Variants in PRKCQ observed in about 807,000 individuals in gnomAD.
PRKCQ encodes the protein protein kinase C theta type.
In PRKCQ, 41 loss-of-function variants were observed where a neutral mutation model predicts 91.2. The observed-to-expected ratio is 0.45, with a 90% CI of 0.35 to 0.58. PRKCQ has a LOEUF of 0.58. Among genes scored for constraint, PRKCQ ranks in the 20% least tolerant of loss-of-function variants. The pLI is 0.00. For missense variants in PRKCQ, 673 were observed against 896.5 expected, an observed-to-expected ratio of 0.75 and a Z score of 3.18; for synonymous variants, 307 against 316.9, an observed-to-expected ratio of 0.97 and a Z score of 0.33.
At chr10:6,577,761 CATCA>C (rs148324046) in intron 1 of PRKCQ, among the ~76,000 whole-genome samples, 3,910 of 152,250 alleles carry the variant, frequency 0.026, 154 homozygotes, top group African/African-American at 0.08. Flanking sequence ...AACTCTAAGA[CATCA>C]ATCAAATGCA....
At chr10:6,522,075 G>C (rs756666758) in intron 1 of PRKCQ, among the ~76,000 whole-genome samples, 7 of 152,002 alleles carry the variant, frequency 4.6e-5, no homozygotes, top group Non-Finnish European at 7.4e-5. Context: ...CCCGAGTAGC[G>C]GGATTACAGG....
intron 15 of PRKCQ, among the ~76,000 whole-genome samples, chr10:6,455,594 T>C (rs1288730673): frequency 3.3e-5 from 5 of 152,232 alleles, no homozygotes; most frequent in Admixed American, 2.6e-4. Context: ...AGTTAGTTCA[T>C]CCATTTACTC....
chr10:6,420,093 A>G, the PRKCQ span, among the ~76,000 whole-genome samples: 1 of 151,974 alleles, frequency 6.6e-6, no homozygotes, highest in African/African-American at 2.4e-5. Flanking sequence ...GGTTCAAGTG[A>G]TTCTCCTGCC....
chr10:6,459,487 G>A (rs1835204076), intron 14 of PRKCQ, among the ~76,000 whole-genome samples: 1 of 152,194 alleles, frequency 6.6e-6, no homozygotes, highest in African/African-American at 2.4e-5. Context: ...CAGAAGATAT[G>A]TCCAGGTATG....
At chr10:6,460,100 C>T (rs1835239570) in intron 14 of PRKCQ, among the ~76,000 whole-genome samples, 1 of 152,200 alleles carries the variant, frequency 6.6e-6, no homozygotes, top group Non-Finnish European at 1.5e-5. Flanking sequence ...GTCTGGTGAC[C>T]TATCCTCAGT....
intron 1 of PRKCQ, among the ~76,000 whole-genome samples, chr10:6,570,136 C>T (rs996397495): frequency 6.6e-6 from 1 of 152,134 alleles, no homozygotes; most frequent in Non-Finnish European, 1.5e-5. Context: ...CACGGCACAT[C>T]TGGTTGCAGG....
At chr10:6,404,302 G>T in the PRKCQ span, among the ~76,000 whole-genome samples, 1 of 144,558 alleles carries the variant, frequency 6.9e-6, no homozygotes, top group African/African-American at 2.6e-5. Context: ...ATGGCCAGAG[G>T]TCTAACTCAA....
chr10:6,523,841 C>T, intron 1 of PRKCQ, among the ~76,000 whole-genome samples: 1 of 152,158 alleles, frequency 6.6e-6, no homozygotes, highest in Non-Finnish European at 1.5e-5. Flanking sequence ...AATTCTTAAC[C>T]TGTTATTTAA....
chr10:6,515,332 C>T (rs1053180798), intron 1 of PRKCQ, 188 bp from the exon 2 acceptor site: 30 of 1,489,336 alleles, frequency 2.0e-5, no homozygotes, highest in South Asian at 1.7e-4. Context: ...CAAAACCACA[C>T]ACTGACTTGC....
chr10:6,577,031 T>A (rs1403951442), intron 1 of PRKCQ, among the ~76,000 whole-genome samples: 1 of 151,956 alleles, frequency 6.6e-6, no homozygotes, highest in African/African-American at 2.4e-5. Flanking sequence ...CCATATTTCA[T>A]TGGTTTTGTT....
At chr10:6,405,706 T>A in the PRKCQ span, among the ~76,000 whole-genome samples, 6 of 152,198 alleles carry the variant, frequency 3.9e-5, no homozygotes, top group Admixed American at 2.6e-4. Flanking sequence ...TTTATCCTGC[T>A]CTTTGCAAAT....
At chr10:6,448,867 A>C (rs570186721) in intron 15 of PRKCQ, among the ~76,000 whole-genome samples, 4 of 152,260 alleles carry the variant, frequency 2.6e-5, no homozygotes, top group African/African-American at 9.6e-5. Flanking sequence ...CCTGCAGCTG[A>C]GGGTCCTGTT....
intron 4 of PRKCQ, among the ~76,000 whole-genome samples, chr10:6,503,017 C>T (rs1482341073): frequency 1.3e-5 from 2 of 152,132 alleles, no homozygotes; most frequent in African/African-American, 4.8e-5. Flanking sequence ...ACACACTTAG[C>T]TGTATGACTT....
At chr10:6,532,569 C>T (rs1484225513) in intron 1 of PRKCQ, among the ~76,000 whole-genome samples, 1 of 152,138 alleles carries the variant, frequency 6.6e-6, no homozygotes, top group East Asian at 1.9e-4. Context: ...CATCCCACCC[C>T]GACTGCACCC....
chr10:6,426,951 G>C (rs1177059606), downstream of PRKCQ, among the ~76,000 whole-genome samples: 1 of 152,150 alleles, frequency 6.6e-6, no homozygotes, highest in African/African-American at 2.4e-5. Flanking sequence ...GGCCAGGCTG[G>C]TCTCGAACTC....
intron 15 of PRKCQ, among the ~76,000 whole-genome samples, chr10:6,447,351 G>A (rs931532391): frequency 4.0e-5 from 6 of 149,300 alleles, no homozygotes; most frequent in East Asian, 2.0e-4. Flanking sequence ...AGGTTGCAGC[G>A]AGCCATGATT....
chr10:6,454,552 A>G (rs1380048165), intron 15 of PRKCQ, among the ~76,000 whole-genome samples: 2 of 152,022 alleles, frequency 1.3e-5, no homozygotes, highest in East Asian at 1.9e-4. Context: ...AAGAAAGGGG[A>G]AATTTGTATA....
intron 2 of PRKCQ, among the ~76,000 whole-genome samples, chr10:6,512,745 T>C (rs1186813377): frequency 2.0e-5 from 3 of 152,302 alleles, no homozygotes; most frequent in African/African-American, 7.2e-5. Context: ...GTTAAATTAA[T>C]ATTTATTTCG....
At chr10:6,489,639 C>T (rs982405701) in intron 8 of PRKCQ, 26 of 364,160 alleles carry the variant, frequency 7.1e-5, no homozygotes, top group South Asian at 5.0e-4. Context: ...GCGGAGCAGG[C>T]GGGGTGAGCA....
Sources: gnomAD v4.1 joint callset for allele counts (sites outside exome capture counted in the v4.1 genomes callset) on GRCh38, gnomAD v4.1.1 for gene constraint, MANE v1.5 for transcripts, NCBI Gene and HGNC (gene_info 2026-07-23, HGNC 2026-07-21) for gene names.